The following SP7 variants were observed in gnomAD, a reference collection of about 807,000 sequenced individuals.
The protein encoded by SP7 is Sp7 transcription factor.
In SP7, 13 loss-of-function variants were observed where a neutral mutation model predicts 27.9. The observed-to-expected ratio is 0.47, with a 90% CI of 0.30 to 0.74. The LOEUF (loss-of-function observed/expected upper bound fraction) is 0.74, where lower values mean the gene tolerates loss of function less well. Ranked by LOEUF, SP7 falls within the 30% of genes least tolerant of loss-of-function variation. The pLI is 0.06. For missense variants in SP7, 525 were observed against 558.0 expected (o/e 0.94, Z 0.60); for synonymous variants, 219 against 226.7 (o/e 0.97, Z 0.31).
chr12:53,342,943 TG>T (rs1944836183), intron 1 of SP7, among the ~76,000 whole-genome samples: 1 of 151,776 alleles, frequency 6.6e-6, no homozygotes. Context: ...GAAGGCTTCC[TG>T]GAAGACAGCA....
intron 2 of SP7, among the ~76,000 whole-genome samples, chr12:53,331,952 G>T (rs1944710530): frequency 1.3e-5 from 2 of 152,200 alleles, no homozygotes; most frequent in Admixed American, 6.5e-5. Context: ...TACACCCCAA[G>T]TGCAAACCTG....
rs777225684 is a variant in SP7 at position 53,328,189 on chromosome 12, G to A, written c.1253C>T (p.Ala418Val). The A allele has an allele frequency of 1.1e-5, 18 of 1,612,978 alleles. No homozygotes were observed. The highest frequency in any genetic ancestry group is 1.5e-5 in the Non-Finnish European group (18 of 1,179,662). ...PSASPATPEK[A>V]PGGSPEQSNL... Reference sequence around the variant, plus strand: ...GCTCTGCTCAGGGCTGCCTCCAGGGGCTTTCTCTGGGGTTGCTGGCGAGGC... The same window carrying A: ...GCTCTGCTCAGGGCTGCCTCCAGGGACTTTCTCTGGGGTTGCTGGCGAGGC... The change falls in exon 3 of 3, where the codon GCC becomes GTC. Residue 418 changes from alanine (A) to valine (V), a missense_variant. By Grantham distance (64) the Ala-to-Val change is moderately conservative. Transcript: ENST00000536324. The surrounding 1 kb of genome is among the most constrained non-coding windows in gnomAD (Gnocchi z 5.1).
chr12:53,328,210 G>C lies in SP7; in HGVS notation c.1232C>G (p.Ser411Trp). The C allele has an allele frequency of 1.2e-6, 2 of 1,613,276 alleles. No individual in the cohort carries two copies. The highest frequency in any genetic ancestry group is 1.7e-6 in the Non-Finnish European group (2 of 1,179,668). The change falls in exon 3 of 3, where the codon TCG becomes TGG. Residue 411 changes from serine (S) to tryptophan (W), a missense_variant. Coordinates refer to ENST00000536324, the MANE Select transcript of SP7 (RefSeq NM_001173467.3). The surrounding 1 kb of genome is among the most constrained non-coding windows in gnomAD (Gnocchi z 5.1). ...AGGGGCTTTCTCTGGGGTTGCTGGC[G>C]AGGCAGAAGGTCGGGGCGTCTGACT... is the stretch of plus-strand genomic sequence containing the variant. The part of the protein sequence containing the change: ...EASQTPRPSA[S>W]PATPEKAPGG...
chr12:53,336,869 G>A (rs1944777481), upstream of SP7, among the ~76,000 whole-genome samples: 1 of 152,134 alleles, frequency 6.6e-6, no homozygotes. Flanking sequence ...TGGAGGAAGG[G>A]TTGAAGAGTT....
rs575991946 is a variant in SP7 at position 53,329,425 on chromosome 12, G to A, written c.22-5C>T. The A allele has an allele frequency of 1.2e-6, 2 of 1,613,392 alleles. No homozygotes were observed. The highest frequency in any genetic ancestry group is 2.2e-5 in the South Asian group (2 of 91,048). Reference sequence around the variant, plus strand: ...GGAGCCATAGTGAACTTCCTCCTGTGGAAAGAGGGACGCACTGCTTAGGGA... The same window carrying A: ...GGAGCCATAGTGAACTTCCTCCTGTAGAAAGAGGGACGCACTGCTTAGGGA... On this transcript the variant is annotated splice_polypyrimidine_tract_variant and splice_region_variant and intron_variant, in intron 2 of 2. Coordinates refer to ENST00000536324, the MANE Select transcript of SP7 (RefSeq NM_001173467.3).
chr12:53,339,609 C>T (rs1461788973), upstream of SP7, among the ~76,000 whole-genome samples: 1 of 151,736 alleles, frequency 6.6e-6, no homozygotes, highest in Non-Finnish European at 1.5e-5. Flanking sequence ...CCTGTAATCC[C>T]AGCTACTTGG....
At chr12:53,331,470 CAAAAAAAA>C (rs367626786) in intron 2 of SP7, among the ~76,000 whole-genome samples, 4 of 105,362 alleles carry the variant, frequency 3.8e-5, no homozygotes, top group South Asian at 3.4e-4. Context: ...GACTCCATCT[CAAAAAAAA>C]AAAAAAAAAA....
Position 53,328,778 on chromosome 12 carries a change from G to T in SP7, c.664C>A (p.His222Asn). 1 of 1,600,136 alleles carries T rather than the reference G, an allele frequency of 6.2e-7. No individual in the cohort carries two copies. The highest frequency in any genetic ancestry group is 8.5e-7 in the Non-Finnish European group (1 of 1,169,892). ...TTATAGACATCTTGGGGCAAGACAT[G>T]CTGGGGCCCTGGTTGCAAGAGGTGG... ...APHLLQPGPQ[H>N]VLPQDVYKPK... The change falls in exon 3 of 3, where the codon CAT (histidine) becomes AAT (asparagine). Residue 222 changes from histidine (H) to asparagine (N), a missense_variant. By Grantham distance (68) the His-to-Asn change is moderately conservative. Transcript: ENST00000536324. The surrounding 1 kb of genome is among the most constrained non-coding windows in gnomAD (Gnocchi z 5.1).
In SP7 at chr12:53,328,970, A is replaced by G; in HGVS notation, c.472T>C (p.Trp158Arg). The change falls in exon 3 of 3, where the codon TGG becomes CGG. Residue 158 changes from tryptophan (W) to arginine (R), a missense_variant. By Grantham distance (101) the Trp-to-Arg change is moderately radical. Coordinates refer to ENST00000536324, the MANE Select transcript of SP7 (RefSeq NM_001173467.3). This position sits in a 1 kb window ranked among gnomAD's most constrained non-coding sequence, Gnocchi z 5.1. The stretch of plus-strand genomic sequence containing the variant: ...TTGCCTCCAGGGTGCATATCCCACC[A>G]TGGAGTAGGAGTGTTGCCTGGGCCT... ...SPGPGNTPTP[W>R]WDMHPGGNWL... 1 of 1,612,586 alleles carries G rather than the reference A, an allele frequency of 6.2e-7. No homozygotes were observed. Among genetic ancestry groups the G allele is most frequent in the Non-Finnish European group, 8.5e-7 (1 of 1,179,242 alleles).
intron 1 of SP7, 157 bp from the exon 2 acceptor site, chr12:53,335,850 A>G: frequency 7.1e-7 from 1 of 1,411,116 alleles, no homozygotes; most frequent in Non-Finnish European, 9.2e-7. Flanking sequence ...CCCAGCGGAG[A>G]AGGCTCCAGA....
rs776047830 is a variant in SP7 at position 53,329,348 on chromosome 12, G to T, written c.94C>A (p.Pro32Thr). The change falls in exon 3 of 3, where the codon CCT becomes ACT. Residue 32 changes from proline to threonine, a missense_variant. Physicochemically the swap from Pro to Thr is conservative, Grantham distance 38. Coordinates refer to ENST00000536324, the MANE Select transcript of SP7 (RefSeq NM_001173467.3). ...AACSKFGGSS[P>T]LRDSTTLGKA... ...CCCAGAGTTGTTGAGTCCCGCAGAG[G>T]GCTAGAGCCACCAAATTTGCTGCAC... 3.8e-5 allele frequency: 62 copies of T among 1,613,870 alleles called. No individual in the cohort carries two copies. The highest frequency in any genetic ancestry group is 5.2e-5 in the Non-Finnish European group (61 of 1,179,894).
At chr12:53,343,204 AAG>A in intron 1 of SP7, among the ~76,000 whole-genome samples, 1 of 151,818 alleles carries the variant, frequency 6.6e-6, no homozygotes, top group East Asian at 1.9e-4. Context: ...AAAAAAAAGG[AAG>A]AGTGTTGTAG....
chr12:53,334,061 C>A lies in SP7; in HGVS notation c.21+1565G>T, dbSNP rs1405248647. On this transcript the variant is annotated intron_variant, in intron 2 of 2. Coordinates refer to ENST00000536324, the MANE Select transcript of SP7 (RefSeq NM_001173467.3). ...GACACTGTCCCTGCCCTGGGTGGACCCAGGATTTCCATGCATCTTATTCCT... is the reference window on the plus strand; with the variant it reads ...GACACTGTCCCTGCCCTGGGTGGACACAGGATTTCCATGCATCTTATTCCT... Among the ~76,000 whole-genome samples, 3 of 152,276 alleles carry A rather than the reference C, an allele frequency of 2.0e-5. No individual in the cohort carries two copies. In the South Asian group the frequency reaches 6.2e-4, roughly 32 times the overall value.
chr12:53,344,163 T>C lies in SP7; in HGVS notation c.-34+951A>G, dbSNP rs1944844212. On this transcript the variant is annotated intron_variant, in intron 1 of 1. Coordinates refer to the SP7 transcript ENST00000547755. The surrounding 1 kb of genome is among the most constrained non-coding windows in gnomAD (Gnocchi z 4.6). ...GGTGAGTAGTCACACATGACTTCCC[T>C]TGATCTGTGTGTTGATGTGTGCACT... is the stretch of plus-strand genomic sequence containing the variant. Among the ~76,000 whole-genome samples the C allele has an allele frequency of 6.6e-6, 1 of 152,218 alleles. No individual in the cohort carries two copies. Among genetic ancestry groups the C allele is most frequent in the Non-Finnish European group, 1.5e-5 (1 of 68,036 alleles).
intron 2 of SP7, among the ~76,000 whole-genome samples, chr12:53,332,882 G>T (rs1189212573): frequency 6.6e-6 from 1 of 151,922 alleles, no homozygotes; most frequent in Non-Finnish European, 1.5e-5. Context: ...GCCCGGCTCC[G>T]ATGGTTTCCC....
In SP7 at chr12:53,328,011, G is replaced by T; in HGVS notation, c.*135C>A. The T allele has an allele frequency of 1.1e-6, 1 of 895,834 alleles. No homozygotes were observed. The highest frequency in any genetic ancestry group is 1.6e-6 in the Non-Finnish European group (1 of 607,024). The allele number at this position is 895,834 out of a possible 1,614,324, so 55.5% of individuals were successfully genotyped here. On this transcript the variant is annotated 3_prime_UTR_variant, in exon 3 of 3. Coordinates refer to ENST00000536324, the MANE Select transcript of SP7 (RefSeq NM_001173467.3). This position sits in a 1 kb window ranked among gnomAD's most constrained non-coding sequence, Gnocchi z 5.1. ...CAAGGAGATACCCAAGCCCAGAATG[G>T]CCAGGAGGGAGACAGAGGGAGAGAG...
chr12:53,328,281 G>A lies in SP7; in HGVS notation c.1161C>T (p.Gly387=), dbSNP rs1316822708. 1.2e-6 allele frequency: 2 copies of A among 1,611,116 alleles called. No individual in the cohort carries two copies. The highest frequency in any genetic ancestry group is 1.7e-6 in the Non-Finnish European group (2 of 1,178,394). ...GEPGPGPPPS[G]PKELGEGRST... is the part of the protein sequence containing the mutation. ...TGCGGCCCTCCCCCAGCTCCTTGGG[G>A]CCACTGGGAGGGGGACCCGGGCCTG... Residue 387 remains glycine (G), a synonymous_variant, in exon 3 of 3, where the codon GGC becomes GGT. Transcript: ENST00000536324. The surrounding 1 kb of genome is among the most constrained non-coding windows in gnomAD (Gnocchi z 5.1).
chr12:53,329,040 G>C lies in SP7; in HGVS notation c.402C>G (p.Pro134=). 1 of 1,613,868 alleles carries C rather than the reference G, an allele frequency of 6.2e-7. No individual in the cohort carries two copies. Among genetic ancestry groups the C allele is most frequent in the Non-Finnish European group, 8.5e-7 (1 of 1,179,864 alleles). Residue 134 remains proline, a synonymous_variant, in exon 3 of 3, where the codon CCC becomes CCG. Transcript: ENST00000536324. ...SVYTSLDMTH[P]YGSWYKAGIH... ...TGCCTGCCTTGTACCAGGAGCCATAGGGGTGTGTCATGTCCAGAGAGGTGT... is the reference window on the plus strand; with the variant it reads ...TGCCTGCCTTGTACCAGGAGCCATACGGGTGTGTCATGTCCAGAGAGGTGT...
At position 53,326,623 on chromosome 12, in the gene SP7, A is replaced by G. The variant is rs1462827081; in HGVS notation, c.*1523T>C. The G allele has an allele frequency of 6.6e-6, 1 of 152,204 alleles. No homozygotes were observed. Among genetic ancestry groups the G allele is most frequent in the African/African-American group, 2.4e-5 (1 of 41,416 alleles). The allele number at this position is 152,204 out of a possible 1,614,324, so 9.4% of individuals were successfully genotyped here. On this transcript the variant is annotated 3_prime_UTR_variant, in exon 3 of 3. Coordinates refer to ENST00000536324, the MANE Select transcript of SP7 (RefSeq NM_001173467.3). Reference sequence around the variant, plus strand: ...TAAATTAAAAAAAAAAGACTCCACAAAGGGCATGATCCCTTCCATTCCACA... The same window carrying G: ...TAAATTAAAAAAAAAAGACTCCACAGAGGGCATGATCCCTTCCATTCCACA...
Sources: allele counts gnomAD v4.1 joint callset (sites outside exome capture counted in the v4.1 genomes callset), GRCh38; gene constraint gnomAD v4.1.1; non-coding constraint Gnocchi (gnomAD v3.1); transcripts MANE v1.5; gene names NCBI Gene and HGNC (gene_info 2026-07-23, HGNC 2026-07-21).